The following GLI3 variants were observed in gnomAD, a reference collection of about 807,000 sequenced individuals.
GLI3 encodes the protein transcription activator GLI3.
A neutral mutation model predicts 100.8 loss-of-function variants in GLI3; 20 were observed. The ratio of observed to expected loss-of-function variants is 0.20; its 90% CI spans 0.14 to 0.29. The LOEUF (loss-of-function observed/expected upper bound fraction) is 0.29, where lower values mean the gene tolerates loss of function less well. Ranked by LOEUF, GLI3 falls within the 10% of genes least tolerant of loss-of-function variation. The pLI is 1.00. For missense variants in GLI3, 2,040 were observed against 2,128.5 expected (o/e 0.96, Z 0.82); for synonymous variants, 938 against 860.5 (o/e 1.09, Z -1.58).
intron 2 of GLI3, among the ~76,000 whole-genome samples, chr7:42,177,108 C>G (rs1427245731): frequency 6.6e-6 from 1 of 152,144 alleles, no homozygotes; most frequent in Non-Finnish European, 1.5e-5. Flanking sequence ...GATAGGGACA[C>G]TCCGTCCTTC....
intron 1 of GLI3, among the ~76,000 whole-genome samples, chr7:42,235,576 G>A (rs1031080515): frequency 1.3e-5 from 2 of 152,176 alleles, no homozygotes; most frequent in African/African-American, 4.8e-5. Context: ...AGAGGGAAAG[G>A]CCTAATTACT....
intron 3 of GLI3, among the ~76,000 whole-genome samples, chr7:42,077,732 T>TA (rs1292448539): frequency 2.2e-3 from 307 of 142,604 alleles, no homozygotes; most frequent in Admixed American, 6.5e-3. Flanking sequence ...AAACCTTTAT[T>TA]AAAAAAAAAA....
intron 3 of GLI3, among the ~76,000 whole-genome samples, chr7:42,081,978 G>C (rs1785005623): frequency 6.6e-6 from 1 of 151,958 alleles, no homozygotes; most frequent in African/African-American, 2.4e-5. Context: ...ATCTCAATCA[G>C]CTAGGGATGA....
intron 2 of GLI3, among the ~76,000 whole-genome samples, chr7:42,212,717 CATCA>C (rs1788294632): frequency 1.3e-5 from 2 of 152,204 alleles, no homozygotes; most frequent in Admixed American, 6.5e-5. Flanking sequence ...AGATCAGTGA[CATCA>C]TTAGCGCCTT....
intron 10 of GLI3, among the ~76,000 whole-genome samples, chr7:42,005,059 T>C (rs1788414382): frequency 6.6e-6 from 1 of 152,126 alleles, no homozygotes; most frequent in African/African-American, 2.4e-5. Flanking sequence ...CACATACATA[T>C]GATGAAAGCA....
intron 3 of GLI3, among the ~76,000 whole-genome samples, chr7:42,104,694 T>G (rs931244835): frequency 2.0e-5 from 3 of 152,186 alleles, no homozygotes; most frequent in Admixed American, 6.5e-5. Context: ...AATTCACATA[T>G]TGAACTCTAA....
At chr7:42,032,001 C>T in intron 7 of GLI3, among the ~76,000 whole-genome samples, 1 of 152,122 alleles carries the variant, frequency 6.6e-6, no homozygotes, top group Non-Finnish European at 1.5e-5. Flanking sequence ...TCAAAGTTTG[C>T]AAACTGGTTC....
At chr7:42,223,054 C>G in intron 2 of GLI3, 76 bp downstream of exon 2, 1 of 1,553,756 alleles carries the variant, frequency 6.4e-7, no homozygotes, top group Non-Finnish European at 8.8e-7. Flanking sequence ...CAGGTGCAAA[C>G]GCTCAATTCA....
intron 2 of GLI3, among the ~76,000 whole-genome samples, chr7:42,175,526 G>A (rs754503260): frequency 2.9e-4 from 44 of 152,022 alleles, no homozygotes; most frequent in Non-Finnish European, 5.9e-4. Context: ...GCTGAGGCAC[G>A]AGAATCACTG....
rs186636418 is a variant in GLI3, at chr7:42,199,806, A to C, written c.124+23324T>G. 1.1e-3 allele frequency among the ~76,000 whole-genome samples: 175 copies of C among 152,352 alleles called. No homozygotes were observed. In the East Asian group the frequency reaches 0.028, roughly 24 times the overall value. ...TGTGGTGGCTCACACCTGTAATCCC[A>C]GCACTTTGCGAGGTCGAGGCAGGCG... is the stretch of plus-strand genomic sequence containing the variant. On this transcript the variant is annotated intron_variant, in intron 2 of 14. Coordinates refer to ENST00000395925, the MANE Select transcript of GLI3 (RefSeq NM_000168.6).
chr7:42,061,840 G>A (rs546829988), intron 4 of GLI3, among the ~76,000 whole-genome samples: 2 of 152,230 alleles, frequency 1.3e-5, no homozygotes, highest in South Asian at 2.1e-4. Context: ...TACATAAGGG[G>A]ATACTTTTCT....
At chr7:42,028,900 C>T (rs948632008) in intron 7 of GLI3, among the ~76,000 whole-genome samples, 8 of 152,132 alleles carry the variant, frequency 5.3e-5, no homozygotes, top group Admixed American at 2.6e-4. Flanking sequence ...TCCTTGTCCT[C>T]GGGGAGCAGG....
chr7:41,998,570 T>G (rs1788197473), intron 10 of GLI3, among the ~76,000 whole-genome samples: 1 of 152,314 alleles, frequency 6.6e-6, no homozygotes, highest in East Asian at 1.9e-4. Context: ...CATCAGACTA[T>G]GAAGTACAAA....
intron 3 of GLI3, chr7:42,145,426 T>A: frequency 2.5e-6 from 1 of 397,388 alleles, no homozygotes. Context: ...TCTTTACAAT[T>A]TCTTCACTTA....
chr7:42,019,209 T>C (rs1021741125), intron 10 of GLI3, among the ~76,000 whole-genome samples: 1 of 152,178 alleles, frequency 6.6e-6, no homozygotes, highest in African/African-American at 2.4e-5. Context: ...TCAGCAGTAA[T>C]GACTCCACAC....
At chr7:42,077,416 C>T (rs758819992) in intron 3 of GLI3, among the ~76,000 whole-genome samples, 130 of 150,410 alleles carry the variant, frequency 8.6e-4, no homozygotes, top group African/African-American at 2.8e-3. Context: ...CCTTCTTGGC[C>T]GGGCTAGGCC....
chr7:42,099,081 T>G lies in GLI3; in HGVS notation c.368-22224A>C, dbSNP rs530037007. ...GGTGGTGATATCAAGGAGTACAATT[T>G]ACCAAGGCTGAGTGAGTTCTGCCCA... On this transcript the variant is annotated intron_variant, in intron 3 of 14. Coordinates refer to ENST00000395925, the MANE Select transcript of GLI3 (RefSeq NM_000168.6). 7.2e-5 allele frequency among the ~76,000 whole-genome samples: 11 copies of G among 152,226 alleles called. No homozygotes were observed. The South Asian group carries it at 2.3e-3, about 32-fold the overall frequency.
chr7:42,051,156 T>C (rs745976260), intron 4 of GLI3, among the ~76,000 whole-genome samples: 2 of 152,182 alleles, frequency 1.3e-5, no homozygotes, highest in Admixed American at 6.5e-5. Context: ...TTTTACATAC[T>C]GCTGAGAAGC....
intron 1 of GLI3, among the ~76,000 whole-genome samples, chr7:42,260,448 A>G (rs1789126535): frequency 6.6e-6 from 1 of 152,250 alleles, no homozygotes; most frequent in Non-Finnish European, 1.5e-5. Context: ...TTATATTTTT[A>G]AAAGAGTATG....
Sources: gnomAD v4.1 joint callset for allele counts (sites outside exome capture counted in the v4.1 genomes callset) on GRCh38, gnomAD v4.1.1 for gene constraint, MANE v1.5 for transcripts, NCBI Gene and HGNC (gene_info 2026-07-23, HGNC 2026-07-21) for gene names.